The following EPN2 variants were observed in gnomAD, a reference collection of about 807,000 sequenced individuals.
EPN2 encodes epsin-2.
A neutral mutation model predicts 61.7 loss-of-function variants in EPN2; 34 were observed. The ratio of observed to expected loss-of-function variants is 0.55; its 90% CI spans 0.42 to 0.73. The LOEUF (loss-of-function observed/expected upper bound fraction) is 0.73, where lower values mean the gene tolerates loss of function less well. Ranked by LOEUF, EPN2 falls within the 30% of genes least tolerant of loss-of-function variation. EPN2 has a pLI of 0.00. For missense variants in EPN2, 714 were observed against 839.2 expected (o/e 0.85, Z 1.84); for synonymous variants, 349 against 353.6 (o/e 0.99, Z 0.15).
At chr17:19,275,838 C>T (rs1156778439) in intron 1 of EPN2, among the ~76,000 whole-genome samples, 1 of 152,160 alleles carries the variant, frequency 6.6e-6, no homozygotes, top group Non-Finnish European at 1.5e-5. Context: ...AGTGAGTATT[C>T]GCTTTCATAT....
intron 1 of EPN2, among the ~76,000 whole-genome samples, chr17:19,280,453 A>G (rs1193940231): frequency 6.6e-6 from 1 of 152,208 alleles, no homozygotes; most frequent in Non-Finnish European, 1.5e-5. Flanking sequence ...TCACCGTGCA[A>G]AAGTTTTTAT....
chr17:19,240,388 G>A (rs2044870921), intron 1 of EPN2, among the ~76,000 whole-genome samples: 1 of 152,154 alleles, frequency 6.6e-6, no homozygotes, highest in Non-Finnish European at 1.5e-5. Context: ...TGGGACTACA[G>A]GCGTGTGCCA....
intron 7 of EPN2, among the ~76,000 whole-genome samples, chr17:19,314,843 G>A (rs1006210876): frequency 6.6e-5 from 10 of 152,238 alleles, no homozygotes; most frequent in African/African-American, 9.6e-5. Flanking sequence ...GGTGCCCCAG[G>A]GCTGGCAGAC....
intron 1 of EPN2, among the ~76,000 whole-genome samples, chr17:19,264,348 C>T (rs1055767182): frequency 6.6e-6 from 1 of 152,158 alleles, no homozygotes; most frequent in Non-Finnish European, 1.5e-5. Flanking sequence ...TCAGCTTGCT[C>T]CCATTTTTGT....
At chr17:19,249,187 CTG>C (rs769558848) in intron 1 of EPN2, among the ~76,000 whole-genome samples, 1 of 152,200 alleles carries the variant, frequency 6.6e-6, no homozygotes, top group Non-Finnish European at 1.5e-5. Flanking sequence ...CAGAGCATCT[CTG>C]TGCTGGTGAA....
intron 4 of EPN2, among the ~76,000 whole-genome samples, chr17:19,302,875 C>T (rs1481118474): frequency 2.0e-5 from 3 of 152,174 alleles, no homozygotes; most frequent in African/African-American, 7.2e-5. Flanking sequence ...ACTTGAGGGC[C>T]CGTGCTCTCG....
chr17:19,274,126 A>G lies in EPN2; in HGVS notation c.-293-7829A>G, dbSNP rs149996243. 7.2e-5 allele frequency: 11 copies of G among 152,416 alleles called. No homozygotes were observed. In the East Asian group the frequency reaches 1.5e-3, roughly 21 times the overall value. 9.4% of individuals were successfully genotyped at this position (152,416 alleles called of 1,614,324 possible). On this transcript the variant is annotated intron_variant, in intron 1 of 10. Transcript: ENST00000314728. ...GCCAGTGAATTGAGGATTGCGGAGT[A>G]TTGCACACATTCAGGTGTCCTGCAG...
At chr17:19,312,308 G>A (rs1282275423) in intron 6 of EPN2, among the ~76,000 whole-genome samples, 164 bp downstream of exon 6, 1 of 152,206 alleles carries the variant, frequency 6.6e-6, no homozygotes, top group Non-Finnish European at 1.5e-5. Flanking sequence ...GCAAGCGACT[G>A]AAAACACACC....
At chr17:19,277,412 A>G (rs2045318193) in intron 1 of EPN2, among the ~76,000 whole-genome samples, 1 of 151,834 alleles carries the variant, frequency 6.6e-6, no homozygotes, top group East Asian at 1.9e-4. Flanking sequence ...AAAAAAAAAA[A>G]AAAAAAAAAG....
chr17:19,268,658 G>A (rs112699617), intron 1 of EPN2, among the ~76,000 whole-genome samples: 6 of 152,230 alleles, frequency 3.9e-5, no homozygotes, highest in African/African-American at 1.4e-4. Flanking sequence ...GCTGACCCAC[G>A]TGTCCCAGGA....
intron 7 of EPN2, among the ~76,000 whole-genome samples, chr17:19,320,197 TG>T (rs756861624): frequency 1.2e-4 from 18 of 152,376 alleles, no homozygotes; most frequent in Non-Finnish European, 7.3e-5. Context: ...TCAGGGGATG[TG>T]GTCACCCCGT....
Position 19,283,611 on chromosome 17 carries a change from C to G in EPN2, c.492C>G (p.Asn164Lys), listed in dbSNP as rs369987183. Reference protein sequence around the residue: ...MAQVATGMGSNQITFGRGSSQ... With the variant: ...MAQVATGMGSKQITFGRGSSQ... ...AGGTTGCCACTGGCATGGGCAGCAA[C>G]CAGATCACCTTTGGGCGAGGCTCCA... is the stretch of plus-strand genomic sequence containing the variant. The change falls in exon 3 of 11, where the codon AAC becomes AAG. Residue 164 changes from asparagine (N) to lysine (K), a missense_variant. By Grantham distance (94) the Asn-to-Lys change is moderately conservative. Around this residue, in one of 2 missense-constraint regions of EPN2, gnomAD observed 304 missense variants for 417.4 expected, o/e 0.73. Transcript: ENST00000314728. This position sits in a 1 kb window ranked among gnomAD's most constrained non-coding sequence, Gnocchi z 7.0. 6.2e-7 allele frequency: 1 copy of G among 1,614,204 alleles called. No individual in the cohort carries two copies. Among genetic ancestry groups the G allele is most frequent in the Non-Finnish European group, 8.5e-7 (1 of 1,180,046 alleles).
At position 19,331,993 on chromosome 17, in the gene EPN2, G is replaced by A; in HGVS notation, c.1552G>A (p.Ala518Thr). The A allele has an allele frequency of 6.2e-7, 1 of 1,614,028 alleles. No individual in the cohort carries two copies. Among genetic ancestry groups the A allele is most frequent in the Non-Finnish European group, 8.5e-7 (1 of 1,180,008 alleles). ...TPESFLGPNA[A>T]LVNLDSLVTR... ...TGAGTCCTTCCTGGGCCCCAACGCG[G>A]CCCTGGTGAACCTGGACTCACTGGT... The change falls in exon 10 of 11, where the codon GCC becomes ACC. Residue 518 changes from alanine (A) to threonine (T), a missense_variant. Around this residue, in one of 2 missense-constraint regions of EPN2, gnomAD observed 410 missense variants for 421.8 expected, o/e 0.97. Coordinates refer to ENST00000314728, the MANE Select transcript of EPN2 (RefSeq NM_014964.5).
chr17:19,306,273 C>T (rs1905838121), intron 4 of EPN2: 1 of 152,288 alleles, frequency 6.6e-6, no homozygotes, highest in South Asian at 2.1e-4. Flanking sequence ...TGTTCACTGT[C>T]ATGTGCATGG....
chr17:19,301,693 A>G (rs1029621273), intron 4 of EPN2, among the ~76,000 whole-genome samples: 1 of 152,154 alleles, frequency 6.6e-6, no homozygotes, highest in Non-Finnish European at 1.5e-5. Flanking sequence ...TGCTCTCAGA[A>G]CAGAAGTGCC....
intron 5 of EPN2, 41 bp downstream of exon 5, chr17:19,310,038 T>C (rs1259757964): frequency 7.2e-7 from 1 of 1,390,844 alleles, no homozygotes; most frequent in Admixed American, 1.7e-5. Flanking sequence ...TGACTGCCCA[T>C]GCTCAGGGTG....
At chr17:19,321,477 C>T (rs1163887843) in intron 7 of EPN2, among the ~76,000 whole-genome samples, 1 of 152,156 alleles carries the variant, frequency 6.6e-6, no homozygotes, top group Non-Finnish European at 1.5e-5. Flanking sequence ...GAACCCTTTT[C>T]TGTTGCCAGG....
intron 4 of EPN2, among the ~76,000 whole-genome samples, chr17:19,305,306 G>A (rs1905781656): frequency 6.6e-6 from 1 of 152,014 alleles, no homozygotes; most frequent in South Asian, 2.1e-4. Flanking sequence ...ATGTTTAGTA[G>A]AGACAGGGTT....
chr17:19,237,716 C>G (rs915486580), intron 1 of EPN2, among the ~76,000 whole-genome samples, 185 bp downstream of exon 1: 2 of 152,174 alleles, frequency 1.3e-5, no homozygotes, highest in African/African-American at 2.4e-5. Context: ...TTCTTTCCAA[C>G]CAGGCCCCGC....
Sources: allele counts gnomAD v4.1 joint callset (sites outside exome capture counted in the v4.1 genomes callset), GRCh38; gene constraint gnomAD v4.1.1; regional missense constraint gnomAD v4.1.1; non-coding constraint Gnocchi (gnomAD v3.1); transcripts MANE v1.5; gene names NCBI Gene and HGNC (gene_info 2026-07-23, HGNC 2026-07-21).